DCHS1: variants seen among roughly 807,000 people sequenced by gnomAD.
The protein encoded by DCHS1 is dachsous cadherin-related 1, also known as protocadherin-16.
DCHS1 carries 78 observed loss-of-function variants against 213.9 expected under a neutral mutation model. The observed-to-expected ratio is 0.36, with a 90% CI of 0.30 to 0.44. DCHS1 has a LOEUF of 0.44. Among genes scored for constraint, DCHS1 ranks in the 20% least tolerant of loss-of-function variants. The pLI, the probability that DCHS1 is intolerant of heterozygous loss-of-function variation, is 1.00. For missense variants in DCHS1, 3,946 were observed against 4,395.9 expected (o/e 0.90, Z 2.89); for synonymous variants, 1,828 against 1,873.7 (o/e 0.98, Z 0.63).
At position 6,625,654 on chromosome 11, in the gene DCHS1, C is replaced by T; in HGVS notation, c.6805G>A (p.Asp2269Asn). Residue 2269 changes from aspartate to asparagine, a missense_variant, in exon 18 of 21, where the codon GAC becomes AAC. By Grantham distance (23) the Asp-to-Asn change is conservative. Coordinates refer to ENST00000299441, the MANE Select transcript of DCHS1 (RefSeq NM_003737.4). The surrounding 1 kb of genome is among the most constrained non-coding windows in gnomAD (Gnocchi z 5.3). ...ATGGTGGGGCGATTGTCATTGGTGT[C>T]GATGACCATCACCGTCAAGGTAGCT... is the stretch of plus-strand genomic sequence containing the variant. ...GSATLTVMVI[D>N]TNDNRPTIPQ... 1.2e-6 allele frequency: 2 copies of T among 1,613,466 alleles called. No homozygotes were observed. The highest frequency in any genetic ancestry group is 1.7e-6 in the Non-Finnish European group (2 of 1,179,824).
intron 1 of DCHS1, among the ~76,000 whole-genome samples, chr11:6,644,855 T>C (rs1250919751): frequency 1.3e-5 from 2 of 152,212 alleles, no homozygotes; most frequent in Non-Finnish European, 2.9e-5. Context: ...CACAAACCTG[T>C]TCTCAGGTCT....
chr11:6,650,919 T>G (rs1162952998), intron 1 of DCHS1, among the ~76,000 whole-genome samples: 1 of 151,334 alleles, frequency 6.6e-6, no homozygotes, highest in Non-Finnish European at 1.5e-5. Context: ...GTGAGGGGAG[T>G]GGAAGTGTCT....
In DCHS1 at chr11:6,634,300, C is replaced by A; in HGVS notation, c.1804G>T (p.Ala602Ser). 1 of 1,598,088 alleles carries A rather than the reference C, an allele frequency of 6.3e-7. No individual in the cohort carries two copies. The highest frequency in any genetic ancestry group is 1.1e-5 in the South Asian group (1 of 89,018). ...AATGGGCCACTATCCGCGTCTGTGG[C>A]TGTCACCTAGGGAGAGGCTGGGGTG... ...QPGTCFLQVT[A>S]TDADSGPFGL... The change falls in exon 3 of 21, where the codon GCC becomes TCC. Residue 602 changes from alanine to serine, a missense_variant. Transcript: ENST00000299441.
At position 6,630,086 on chromosome 11, in the gene DCHS1, G is replaced by A. The variant is rs750696447; in HGVS notation, c.4708C>T (p.Arg1570Trp). 4.4e-6 allele frequency: 7 copies of A among 1,593,206 alleles called. No homozygotes were observed. The highest frequency in any genetic ancestry group is 4.0e-5 in the African/African-American group (3 of 74,184). ...PGPAALHVVA[R>W]DPDLGEAARV... Reference sequence around the variant, plus strand: ...GCAGCCTCGCCCAGATCCGGGTCCCGGGCTACCACGTGCAGGGCCGCGGGC... The same window carrying A: ...GCAGCCTCGCCCAGATCCGGGTCCCAGGCTACCACGTGCAGGGCCGCGGGC... The change falls in exon 10 of 21, where the codon CGG becomes TGG. Residue 1570 changes from arginine (R) to tryptophan (W), a missense_variant. Around this residue, in one of 3 missense-constraint regions of DCHS1, gnomAD observed 3,384 missense variants for 3,780.1 expected, o/e 0.90. Coordinates refer to ENST00000299441, the MANE Select transcript of DCHS1 (RefSeq NM_003737.4).
chr11:6,655,565 C>T lies in DCHS1; in HGVS notation c.-123G>A. 6.1e-6 allele frequency: 6 copies of T among 980,934 alleles called. No individual in the cohort carries two copies. The highest frequency in any genetic ancestry group is 7.2e-6 in the Non-Finnish European group (6 of 828,212). The allele number at this position is 980,934 out of a possible 1,614,324, so 60.8% of individuals were successfully genotyped here. A position where few individuals can be genotyped will look rare whatever the true frequency, so the allele number is the denominator to read the frequency against. On this transcript the variant is annotated splice_region_variant and 5_prime_UTR_variant, in exon 1 of 21. Transcript: ENST00000299441. ...GCCGGGCGGGCGCGGGCACTGACCT[C>T]CGCGCGACGCGGGCTCCCTCGCCCG...
rs1435282882 is a variant in DCHS1, at chr11:6,641,620, G to C, written c.-7C>G. The C allele has an allele frequency of 7.2e-6, 11 of 1,536,744 alleles. No individual in the cohort carries two copies. The highest frequency in any genetic ancestry group is 9.7e-6 in the Non-Finnish European group (11 of 1,137,754). ...TGCCCAGCTCCTTCTGCATGACAAG[G>C]GTAGTCCAGCTGTGCCTTGGGCTCC... On this transcript the variant is annotated 5_prime_UTR_variant, in exon 2 of 21. Transcript: ENST00000299441. This position sits in a 1 kb window ranked among gnomAD's most constrained non-coding sequence, Gnocchi z 7.1.
At position 6,634,180 on chromosome 11, in the gene DCHS1, G is replaced by A. The variant is rs374740842; in HGVS notation, c.1924C>T (p.Arg642Trp). 1.1e-5 allele frequency: 18 copies of A among 1,613,554 alleles called. No homozygotes were observed. Among genetic ancestry groups the A allele is most frequent in the Middle Eastern group, 1.6e-4 (1 of 6,084 alleles). ...GGCCCCTGGTCACGGTCCAGGGTCC[G>A]GGTTGTGCACACATCACCGCTGTGG... is the stretch of plus-strand genomic sequence containing the variant. ...DAHSGDVCTT[R>W]TLDRDQGPSS... Residue 642 changes from arginine to tryptophan, a missense_variant, in exon 3 of 21, where the codon CGG becomes TGG. This residue lies in a region of DCHS1 where 3,384 missense variants were observed against 3,780.1 expected (regional missense o/e 0.90). Transcript: ENST00000299441.
chr11:6,637,213 G>A (rs529182863), intron 2 of DCHS1, among the ~76,000 whole-genome samples: 1 of 152,120 alleles, frequency 6.6e-6, no homozygotes, highest in East Asian at 1.9e-4. Flanking sequence ...TCTCCACCAG[G>A]GTTTCTCAAA....
intron 1 of DCHS1, among the ~76,000 whole-genome samples, chr11:6,649,182 T>C (rs2134657678): frequency 6.6e-6 from 1 of 150,950 alleles, no homozygotes; most frequent in Admixed American, 6.6e-5. Context: ...TCAAAGAAGG[T>C]AGCAGAGAGA....
At chr11:6,644,730 C>T (rs1856131022) in intron 1 of DCHS1, among the ~76,000 whole-genome samples, 1 of 152,230 alleles carries the variant, frequency 6.6e-6, no homozygotes, top group Non-Finnish European at 1.5e-5. Context: ...TTCCACACCA[C>T]CATACTCACG....
intron 2 of DCHS1, chr11:6,635,313 G>A (rs1179170028): frequency 6.6e-6 from 1 of 152,108 alleles, no homozygotes; most frequent in East Asian, 1.9e-4. Flanking sequence ...CGAGTAAATC[G>A]ACGGTCTGAT....
In DCHS1 at chr11:6,648,553, T is replaced by C. The variant is rs866218577; in HGVS notation, c.-120-6820A>G. Among the ~76,000 whole-genome samples the C allele has an allele frequency of 2.6e-5, 4 of 152,136 alleles. No homozygotes were observed. The South Asian group carries it at 6.2e-4, about 24-fold the overall frequency. On this transcript the variant is annotated intron_variant, in intron 1 of 20. Coordinates refer to ENST00000299441, the MANE Select transcript of DCHS1 (RefSeq NM_003737.4). ...GAATGGATCAACCAATAGCTAGCCA[T>C]AGAGCAGACATCAGCATGGATTCAT...
rs1855841432 is a variant in DCHS1 at position 6,628,180 on chromosome 11, T to C, written c.5371+441A>G. On this transcript the variant is annotated intron_variant, in intron 13 of 20. Coordinates refer to ENST00000299441, the MANE Select transcript of DCHS1 (RefSeq NM_003737.4). The surrounding 1 kb of genome is among the most constrained non-coding windows in gnomAD (Gnocchi z 4.3). Reference sequence around the variant, plus strand: ...TCCAACAAATTGTTACTTGAAATCTTAGTATTTCCTTGTGCTTACACAGAA... The same window carrying C: ...TCCAACAAATTGTTACTTGAAATCTCAGTATTTCCTTGTGCTTACACAGAA... 6.6e-6 allele frequency among the ~76,000 whole-genome samples: 1 copy of C among 152,250 alleles called. No homozygotes were observed.
Position 6,627,223 on chromosome 11 carries a change from G to C in DCHS1, c.5816C>G (p.Pro1939Arg). 11 of 1,613,204 alleles carry C rather than the reference G, an allele frequency of 6.8e-6. No individual in the cohort carries two copies. Among genetic ancestry groups the C allele is most frequent in the Non-Finnish European group, 9.3e-6 (11 of 1,179,868 alleles). The change falls in exon 14 of 21, where the codon CCC becomes CGC. Residue 1939 changes from proline (P) to arginine (R), a missense_variant. Coordinates refer to ENST00000299441, the MANE Select transcript of DCHS1 (RefSeq NM_003737.4). This position sits in a 1 kb window ranked among gnomAD's most constrained non-coding sequence, Gnocchi z 5.4. Reference protein sequence around the residue: ...VSAVDGAAAGPLSTTVSVTIT... With the variant: ...VSAVDGAAAGRLSTTVSVTIT... ...GGTGACAGACACTGTGGTGCTTAGG[G>C]GCCCAGCAGCTGCACCATCCACTGC...
In DCHS1 at chr11:6,641,827, A is replaced by C; in HGVS notation, c.-120-94T>G. The C allele has an allele frequency of 4.5e-6, 5 of 1,102,920 alleles. No individual in the cohort carries two copies. The highest frequency in any genetic ancestry group is 6.2e-6 in the Non-Finnish European group (5 of 802,752). 68.3% of individuals were successfully genotyped at this position (1,102,920 alleles called of 1,614,324 possible). A position where few individuals can be genotyped will look rare whatever the true frequency, so the allele number is the denominator to read the frequency against. On this transcript the variant is annotated intron_variant, in intron 1 of 20. Transcript: ENST00000299441. This position sits in a 1 kb window ranked among gnomAD's most constrained non-coding sequence, Gnocchi z 7.1. ...GCCACATCAACATTCAGATATGCTC[A>C]GCCCCCAGCAGGCCCTTGTGCTGCC... is the stretch of plus-strand genomic sequence containing the variant.
At chr11:6,633,185 G>A in intron 5 of DCHS1, 129 bp from the exon 6 acceptor site, 1 of 1,220,612 alleles carries the variant, frequency 8.2e-7, no homozygotes, top group Non-Finnish European at 1.1e-6. Flanking sequence ...AGGAGGAGGG[G>A]CAGGGGTTGG....
rs748872000 is a variant in DCHS1, at chr11:6,631,419, C to A, written c.3676-12G>T. ...ACGCGGTCTGGTACCTGTGGGAACA[C>A]AACTCACCTAGTGAGTCTCTTTCCT... On this transcript the variant is annotated splice_polypyrimidine_tract_variant and intron_variant, in intron 7 of 20. Transcript: ENST00000299441. 6.2e-7 allele frequency: 1 copy of A among 1,613,832 alleles called. No individual in the cohort carries two copies. Among genetic ancestry groups the A allele is most frequent in the Non-Finnish European group, 8.5e-7 (1 of 1,179,762 alleles).
rs752746132 is a variant in DCHS1 at position 6,625,668 on chromosome 11, G to A, written c.6791C>T (p.Thr2264Met). ...GTCATTGGTGTCGATGACCATCACC[G>A]TCAAGGTAGCTGAGCCCACCAGGGC... ...SPALVGSATLTVMVIDTNDNR... is the reference protein window; with the variant it reads ...SPALVGSATLMVMVIDTNDNR... Residue 2264 changes from threonine to methionine, a missense_variant, in exon 18 of 21, where the codon ACG (threonine) becomes ATG (methionine). Transcript: ENST00000299441. This position sits in a 1 kb window ranked among gnomAD's most constrained non-coding sequence, Gnocchi z 5.3. 20 of 1,613,152 alleles carry A rather than the reference G, an allele frequency of 1.2e-5. No homozygotes were observed. The highest frequency in any genetic ancestry group is 2.2e-5 in the South Asian group (2 of 91,040).
At chr11:6,649,903 T>C (rs1254150655) in intron 1 of DCHS1, among the ~76,000 whole-genome samples, 3 of 152,184 alleles carry the variant, frequency 2.0e-5, no homozygotes, top group Non-Finnish European at 2.9e-5. Flanking sequence ...TAGGACAGCA[T>C]AGTAGAGGGG....
Sources: gnomAD v4.1 joint callset for allele counts (sites outside exome capture counted in the v4.1 genomes callset) on GRCh38, gnomAD v4.1.1 for gene constraint, gnomAD v4.1.1 regional missense constraint, Gnocchi (gnomAD v3.1) non-coding constraint, MANE v1.5 for transcripts, NCBI Gene and HGNC (gene_info 2026-07-23, HGNC 2026-07-21) for gene names.